Variants in ESRRB observed in about 807,000 individuals in gnomAD.
ESRRB encodes the protein estrogen related receptor beta.
ESRRB carries 16 observed loss-of-function variants against 46.0 expected under a neutral mutation model. That is an observed-to-expected ratio of 0.35 (90% confidence interval 0.24 to 0.53). ESRRB has a LOEUF of 0.53. Among genes scored for constraint, ESRRB ranks in the 20% least tolerant of loss-of-function variants. The pLI, the probability that ESRRB is intolerant of heterozygous loss-of-function variation, is 0.93. For missense variants in ESRRB, 488 were observed against 607.4 expected (o/e 0.80, Z 2.07); for synonymous variants, 246 against 259.6 (o/e 0.95, Z 0.50).
At chr14:76,361,007 T>C (rs1262579509) in intron 1 of ESRRB, among the ~76,000 whole-genome samples, 1 of 152,250 alleles carries the variant, frequency 6.6e-6, no homozygotes, top group Non-Finnish European at 1.5e-5. Flanking sequence ...CTTATACCCA[T>C]GCACCTAACA....
chr14:76,430,226 G>T (rs1195316763), intron 1 of ESRRB, among the ~76,000 whole-genome samples: 1 of 152,170 alleles, frequency 6.6e-6, no homozygotes, highest in African/African-American at 2.4e-5. Context: ...GGGCTGATTT[G>T]TGACTCATAA....
At chr14:76,415,938 G>A (rs528291247) in intron 1 of ESRRB, among the ~76,000 whole-genome samples, 4 of 152,322 alleles carry the variant, frequency 2.6e-5, no homozygotes, top group African/African-American at 9.6e-5. Flanking sequence ...AACAGCAAGC[G>A]AGGGAGAAGT....
intron 1 of ESRRB, among the ~76,000 whole-genome samples, chr14:76,406,564 T>TGAAACCC (rs1014031762): frequency 6.6e-6 from 1 of 151,984 alleles, no homozygotes; most frequent in Non-Finnish European, 1.5e-5. Flanking sequence ...GACAACATAG[T>TGAAACCC]GAAACCCCGT....
In ESRRB at chr14:76,500,910, G is replaced by A; in HGVS notation, c.*2452G>A. On this transcript the variant is annotated 3_prime_UTR_variant, in exon 7 of 7. Transcript: ENST00000644823. ...TCAGATCACAACAGGAAATGTGTCA[G>A]TAACAATGGAACTCCATCCAATGGG... The A allele has an allele frequency of 1.5e-6, 1 of 654,346 alleles. No homozygotes were observed. The highest frequency in any genetic ancestry group is 2.7e-5 in the East Asian group (1 of 36,706). The allele number at this position is 654,346 out of a possible 1,614,324, so 40.5% of individuals were successfully genotyped here.
Position 76,491,575 on chromosome 14 carries a change from A to G in ESRRB, c.979A>G (p.Ile327Val). ...CAAGCTGGTGTACGCTGAGGACTAC[A>G]TCATGGATGAGGAGCACTCCCGCCT... is the stretch of plus-strand genomic sequence containing the variant. ...DDKLVYAEDY[I>V]MDEEHSRLAG... is the part of the protein sequence containing the mutation. The change falls in exon 6 of 7, where the codon ATC (isoleucine) becomes GTC (valine). Residue 327 changes from isoleucine to valine, a missense_variant. Transcript: ENST00000644823. 1 of 1,592,054 alleles carries G rather than the reference A, an allele frequency of 6.3e-7. No homozygotes were observed. Among genetic ancestry groups the G allele is most frequent in the Non-Finnish European group, 8.5e-7 (1 of 1,169,848 alleles).
At chr14:76,333,198 AT>A (rs1884075259) in intron 1 of ESRRB, among the ~76,000 whole-genome samples, 1 of 28,058 alleles carries the variant, frequency 3.6e-5, no homozygotes, top group Non-Finnish European at 5.7e-5. Context: ...TATATTATAT[AT>A]TTTATATATA....
At chr14:76,349,224 A>G (rs1216758099) in intron 1 of ESRRB, among the ~76,000 whole-genome samples, 1 of 152,202 alleles carries the variant, frequency 6.6e-6, no homozygotes, top group African/African-American at 2.4e-5. Flanking sequence ...GGCGGGAGAC[A>G]GCTCCCATCA....
intron 3 of ESRRB, among the ~76,000 whole-genome samples, chr14:76,471,058 C>T (rs1465120355): frequency 6.6e-6 from 1 of 152,188 alleles, no homozygotes; most frequent in African/African-American, 2.4e-5. Flanking sequence ...TAGAGAGGAA[C>T]TCTAGGTTTG....
intron 1 of ESRRB, among the ~76,000 whole-genome samples, chr14:76,406,331 T>C (rs1738690509): frequency 6.6e-6 from 1 of 152,128 alleles, no homozygotes; most frequent in South Asian, 2.1e-4. Flanking sequence ...TCTCAATGGT[T>C]TTCTGATATC....
intron 5 of ESRRB, among the ~76,000 whole-genome samples, chr14:76,490,314 T>C (rs1353919169): frequency 6.6e-6 from 1 of 152,206 alleles, no homozygotes; most frequent in African/African-American, 2.4e-5. Flanking sequence ...TTACTTACTC[T>C]CTCTTACTCT....
At chr14:76,329,233 G>A (rs1035931638) in intron 1 of ESRRB, among the ~76,000 whole-genome samples, 1 of 152,118 alleles carries the variant, frequency 6.6e-6, no homozygotes, top group African/African-American at 2.4e-5. Context: ...GGAGAAGTGG[G>A]AGGTTCCCAG....
At chr14:76,419,234 C>T (rs1010392823) in intron 1 of ESRRB, among the ~76,000 whole-genome samples, 2 of 152,032 alleles carry the variant, frequency 1.3e-5, no homozygotes, top group East Asian at 1.9e-4. Context: ...AGGCTGATCT[C>T]GAACTCCTGA....
chr14:76,337,830 C>A (rs752528988), intron 1 of ESRRB, among the ~76,000 whole-genome samples: 1 of 152,222 alleles, frequency 6.6e-6, no homozygotes, highest in Non-Finnish European at 1.5e-5. Context: ...CTGCCACGGC[C>A]TCAGGTAGGA....
intron 3 of ESRRB, among the ~76,000 whole-genome samples, chr14:76,480,873 G>A (rs1005076951): frequency 4.6e-5 from 7 of 152,254 alleles, no homozygotes; most frequent in Non-Finnish European, 1.0e-4. Context: ...AGCAGAGGCT[G>A]AGGTGGCAAC....
chr14:76,456,036 TCG>T (rs1204718857), intron 2 of ESRRB, among the ~76,000 whole-genome samples: 1 of 93,072 alleles, frequency 1.1e-5, no homozygotes, highest in African/African-American at 5.6e-5. Flanking sequence ...AGAGCGAAAC[TCG>T]CACACACACA....
chr14:76,337,827 G>A lies in ESRRB; in HGVS notation c.2+26911G>A, dbSNP rs368772581. Among the ~76,000 whole-genome samples, 63 of 152,300 alleles carry A rather than the reference G, an allele frequency of 4.1e-4. 2 individuals carry two copies. In the East Asian group the frequency reaches 0.011, roughly 27 times the overall value. On this transcript the variant is annotated intron_variant, in intron 1 of 6. Coordinates refer to the ESRRB transcript ENST00000512784. Reference sequence around the variant, plus strand: ...TGCCCAATCCTACTCCTACTGCCACGGCCTCAGGTAGGAGTCCCTGACACG... The same window carrying A: ...TGCCCAATCCTACTCCTACTGCCACAGCCTCAGGTAGGAGTCCCTGACACG...
rs780495222 is a variant in ESRRB, at chr14:76,439,640, A to G, written c.350A>G (p.Asn117Ser). 2.5e-6 allele frequency: 4 copies of G among 1,614,122 alleles called. No individual in the cohort carries two copies. The Admixed American group carries it at 5.0e-5, about 20-fold the overall frequency. ...DSAIKCEYML[N>S]AIPKRLCLVC... The stretch of plus-strand genomic sequence containing the variant: ...GCCATCAAGTGCGAGTACATGCTCA[A>G]CGCCATCCCCAAGCGCCTGTGCCTC... The change falls in exon 2 of 7, where the codon AAC becomes AGC. Residue 117 changes from asparagine to serine, a missense_variant. Asn to Ser is a conservative substitution (Grantham distance 46). Transcript: ENST00000644823.
At chr14:76,427,967 G>A (rs1057173626) in intron 1 of ESRRB, among the ~76,000 whole-genome samples, 1 of 152,188 alleles carries the variant, frequency 6.6e-6, no homozygotes, top group Admixed American at 6.5e-5. Flanking sequence ...AAGCCATCTG[G>A]AGGCTACTGA....
intron 1 of ESRRB, among the ~76,000 whole-genome samples, chr14:76,431,309 A>C (rs1247171029): frequency 6.6e-6 from 1 of 152,152 alleles, no homozygotes; most frequent in Non-Finnish European, 1.5e-5. Flanking sequence ...AAACAAAAAC[A>C]AAACAAAACA....
Sources: allele counts gnomAD v4.1 joint callset (sites outside exome capture counted in the v4.1 genomes callset), GRCh38; gene constraint gnomAD v4.1.1; transcripts MANE v1.5; gene names NCBI Gene and HGNC (gene_info 2026-07-23, HGNC 2026-07-21).